FHIP1A: variants seen among roughly 807,000 people sequenced by gnomAD.
FHIP1A encodes the protein FHF complex subunit HOOK-interacting protein 1A.
In FHIP1A, 61 loss-of-function variants were observed where a neutral mutation model predicts 88.6. The observed-to-expected ratio is 0.69, with a 90% CI of 0.56 to 0.85. The LOEUF (loss-of-function observed/expected upper bound fraction) is 0.85. FHIP1A is among the 40% of genes least tolerant of loss of function. The pLI is 0.00. For missense variants in FHIP1A, 1,154 were observed against 1,273.5 expected, an observed-to-expected ratio of 0.91 and a Z score of 1.43; for synonymous variants, 478 against 496.0, an observed-to-expected ratio of 0.96 and a Z score of 0.48.
chr4:151,579,073 T>A (rs1733925920), intron 5 of FHIP1A, among the ~76,000 whole-genome samples: 3 of 140,016 alleles, frequency 2.1e-5, no homozygotes, highest in African/African-American at 4.9e-5. Flanking sequence ...AAAAAGATCA[T>A]TTTTTTCCCC....
intron 11 of FHIP1A, among the ~76,000 whole-genome samples, chr4:151,655,184 CG>C (rs1737186197): frequency 6.6e-6 from 1 of 152,234 alleles, no homozygotes; most frequent in African/African-American, 2.4e-5. Context: ...TGTGTGCTTT[CG>C]TTGTAAACAT....
intron 2 of FHIP1A, among the ~76,000 whole-genome samples, chr4:151,466,957 A>G (rs1037927261): frequency 6.6e-6 from 1 of 152,214 alleles, no homozygotes; most frequent in Non-Finnish European, 1.5e-5. Context: ...AGCAATTGCA[A>G]CAAAAGCCAA....
intron 3 of FHIP1A, among the ~76,000 whole-genome samples, chr4:151,535,691 T>C (rs900495218): frequency 6.6e-6 from 1 of 152,240 alleles, no homozygotes; most frequent in Non-Finnish European, 1.5e-5. Flanking sequence ...TCATACCTTA[T>C]TTGGCATTTG....
intron 1 of FHIP1A, among the ~76,000 whole-genome samples, chr4:151,440,301 CA>C (rs1435022492): frequency 6.6e-6 from 1 of 152,152 alleles, no homozygotes; most frequent in Non-Finnish European, 1.5e-5. Flanking sequence ...GGTGAGGACA[CA>C]GCCAAACCAT....
intron 3 of FHIP1A, among the ~76,000 whole-genome samples, chr4:151,528,377 A>G (rs1731758520): frequency 6.6e-6 from 1 of 152,258 alleles, no homozygotes; most frequent in African/African-American, 2.4e-5. Flanking sequence ...TGAAATGTAC[A>G]TCATGGGTAT....
At chr4:151,555,175 A>T (rs1023959281) in intron 3 of FHIP1A, among the ~76,000 whole-genome samples, 4 of 152,104 alleles carry the variant, frequency 2.6e-5, no homozygotes, top group African/African-American at 9.7e-5. Flanking sequence ...CTGATCTTTT[A>T]TTCTGTAAGG....
At chr4:151,519,780 T>C (rs1274399304) in intron 3 of FHIP1A, among the ~76,000 whole-genome samples, 1 of 152,190 alleles carries the variant, frequency 6.6e-6, no homozygotes, top group Non-Finnish European at 1.5e-5. Context: ...ACTCATAATG[T>C]ATAAGAATTC....
intron 2 of FHIP1A, among the ~76,000 whole-genome samples, chr4:151,469,044 T>C (rs898388120): frequency 6.6e-6 from 1 of 152,188 alleles, no homozygotes; most frequent in African/African-American, 2.4e-5. Flanking sequence ...TTTTTGTGAG[T>C]GGAAGGTCAG....
intron 7 of FHIP1A, among the ~76,000 whole-genome samples, chr4:151,600,521 G>C (rs1734824272): frequency 6.6e-6 from 1 of 152,208 alleles, no homozygotes; most frequent in Non-Finnish European, 1.5e-5. Flanking sequence ...TGTTGTTTCA[G>C]TGATCTAGCA....
intron 3 of FHIP1A, among the ~76,000 whole-genome samples, chr4:151,553,949 C>G (rs188016493): frequency 6.6e-6 from 1 of 152,220 alleles, no homozygotes; most frequent in African/African-American, 2.4e-5. Context: ...TTTGTATCAC[C>G]CTCGGATCTA....
At chr4:151,471,310 G>A (rs1338142340) in intron 2 of FHIP1A, among the ~76,000 whole-genome samples, 1 of 128,774 alleles carries the variant, frequency 7.8e-6, no homozygotes, top group African/African-American at 3.0e-5. Context: ...AAACTTTAGC[G>A]TATTTTTTCC....
chr4:151,613,280 A>G (rs993872162), intron 7 of FHIP1A, among the ~76,000 whole-genome samples: 1 of 152,264 alleles, frequency 6.6e-6, no homozygotes, highest in Non-Finnish European at 1.5e-5. Flanking sequence ...ACAGCATTCT[A>G]CTATCCAATG....
intron 3 of FHIP1A, among the ~76,000 whole-genome samples, chr4:151,520,500 GGACA>G (rs1320317569): frequency 3.3e-5 from 5 of 151,904 alleles, no homozygotes; most frequent in African/African-American, 1.2e-4. Flanking sequence ...TGCCATTGTT[GGACA>G]TTTTTAAGTT....
chr4:151,414,409 T>A (rs140150698), intron 1 of FHIP1A, among the ~76,000 whole-genome samples: 198 of 152,330 alleles, frequency 1.3e-3, no homozygotes, highest in African/African-American at 4.5e-3. Context: ...TCAAAAGTAT[T>A]TTTATCTAAT....
chr4:151,657,074 G>A (rs534886331), intron 13 of FHIP1A, among the ~76,000 whole-genome samples, 176 bp downstream of exon 13: 10 of 152,314 alleles, frequency 6.6e-5, no homozygotes, highest in African/African-American at 2.2e-4. Context: ...CCTAAAGAAA[G>A]GTCTGCCTTG....
chr4:151,508,774 A>G (rs940159028), intron 3 of FHIP1A, among the ~76,000 whole-genome samples: 1 of 152,198 alleles, frequency 6.6e-6, no homozygotes, highest in African/African-American at 2.4e-5. Flanking sequence ...TGACCCTGTC[A>G]GAGACAGAGC....
chr4:151,482,464 T>TA (rs1485968210), intron 2 of FHIP1A, 60 bp from the exon 3 acceptor site: 1 of 151,968 alleles, frequency 6.6e-6, no homozygotes, highest in East Asian at 1.9e-4. Flanking sequence ...GGAGAAAAAA[T>TA]AGAGATACTC....
intron 4 of FHIP1A, among the ~76,000 whole-genome samples, chr4:151,569,573 G>A (rs1733519570): frequency 6.6e-6 from 1 of 151,900 alleles, no homozygotes; most frequent in Non-Finnish European, 1.5e-5. Flanking sequence ...AGGAAAAAAT[G>A]AAGGCAACAA....
At chr4:151,563,982 C>T (rs1308853164) in intron 3 of FHIP1A, among the ~76,000 whole-genome samples, 1 of 152,086 alleles carries the variant, frequency 6.6e-6, no homozygotes, top group Non-Finnish European at 1.5e-5. Context: ...GGATTGAGAC[C>T]CTGTCTCTAA....
Sources: allele counts gnomAD v4.1 joint callset (sites outside exome capture counted in the v4.1 genomes callset), GRCh38; gene constraint gnomAD v4.1.1; transcripts MANE v1.5; gene names NCBI Gene and HGNC (gene_info 2026-07-23, HGNC 2026-07-21).